The following CENPQ variants were observed in gnomAD, a reference collection of about 807,000 sequenced individuals.
CENPQ encodes the protein chromosome 6 open reading frame 139.
A neutral mutation model predicts 36.6 loss-of-function variants in CENPQ; 27 were observed. The observed-to-expected ratio is 0.74, with a 90% CI of 0.54 to 1.02. The LOEUF is 1.02. CENPQ is among the 50% of genes least tolerant of loss of function. The pLI, the probability that CENPQ is intolerant of heterozygous loss-of-function variation, is 0.00. For missense variants in CENPQ, 306 were observed against 301.8 expected (o/e 1.01, Z -0.10); for synonymous variants, 101 against 101.7 (o/e 0.99, Z 0.04).
At chr6:49,463,650 G>T (rs1337744865) in intron 1 of CENPQ, among the ~76,000 whole-genome samples, 197 bp downstream of exon 1, 2 of 152,104 alleles carry the variant, frequency 1.3e-5, no homozygotes, top group Non-Finnish European at 2.9e-5. Context: ...GGGGGAGGGA[G>T]CAAAGCCATG....
intron 8 of CENPQ, among the ~76,000 whole-genome samples, chr6:49,489,710 G>A (rs978396623): frequency 2.0e-5 from 3 of 152,154 alleles, no homozygotes; most frequent in African/African-American, 4.8e-5. Context: ...ATGACTCTTT[G>A]ATTCAGAGGC....
At chr6:49,467,889 A>G (rs552814382) in intron 1 of CENPQ, among the ~76,000 whole-genome samples, 1 of 152,292 alleles carries the variant, frequency 6.6e-6, no homozygotes, top group Admixed American at 6.5e-5. Flanking sequence ...TAGAAGGTAC[A>G]GTGTATGTTT....
chr6:49,471,077 A>G lies in CENPQ; in HGVS notation c.157+49A>G, dbSNP rs189065056. On this transcript the variant is annotated intron_variant, in intron 3 of 8. Coordinates refer to ENST00000335783, the MANE Select transcript of CENPQ (RefSeq NM_018132.4). Reference sequence around the variant, plus strand: ...TTAACCTGCTTCTATATCAAGCTATATCTACATTCGTGAAAAAATGTTCAG... The same window carrying G: ...TTAACCTGCTTCTATATCAAGCTATGTCTACATTCGTGAAAAAATGTTCAG... 9 of 1,125,912 alleles carry G rather than the reference A, an allele frequency of 8.0e-6. No individual in the cohort carries two copies. The Admixed American group carries it at 2.1e-4, about 26-fold the overall frequency. The allele number at this position is 1,125,912 out of a possible 1,614,324, so 69.7% of individuals were successfully genotyped here. A position where few individuals can be genotyped will look rare whatever the true frequency, so the allele number is the denominator to read the frequency against.
At chr6:49,489,166 C>G (rs562805638) in intron 8 of CENPQ, among the ~76,000 whole-genome samples, 2 of 152,304 alleles carry the variant, frequency 1.3e-5, no homozygotes, top group South Asian at 4.1e-4. Context: ...CACAGTAGAA[C>G]CTCCTTCAAA....
At chr6:49,488,815 A>G in intron 8 of CENPQ, 131 bp downstream of exon 8, 2 of 709,938 alleles carry the variant, frequency 2.8e-6, no homozygotes, top group Non-Finnish European at 5.0e-6. Context: ...CCCACGGCAT[A>G]TGGAAGTTAT....
intron 3 of CENPQ, 92 bp from the exon 4 acceptor site, chr6:49,471,971 C>A: frequency 7.3e-7 from 1 of 1,373,098 alleles, no homozygotes; most frequent in South Asian, 1.6e-5. Flanking sequence ...CTGATAATTT[C>A]ATAAGCTTTT....
At chr6:49,483,003 G>T (rs1417449296) in intron 6 of CENPQ, among the ~76,000 whole-genome samples, 3 of 152,128 alleles carry the variant, frequency 2.0e-5, no homozygotes, top group Admixed American at 2.0e-4. Flanking sequence ...TGTGGAAGGG[G>T]ACCCAAGCGG....
chr6:49,486,705 TA>T (rs1214995042), intron 6 of CENPQ, among the ~76,000 whole-genome samples: 1 of 152,200 alleles, frequency 6.6e-6, no homozygotes, highest in Non-Finnish European at 1.5e-5. Flanking sequence ...GAGATTTTTT[TA>T]AAGTGTAGTA....
Position 49,488,607 on chromosome 6 carries a change from A to G in CENPQ, c.598A>G (p.Met200Val). 2 of 1,612,420 alleles carry G rather than the reference A, an allele frequency of 1.2e-6. No individual in the cohort carries two copies. The highest frequency in any genetic ancestry group is 8.5e-7 in the Non-Finnish European group (1 of 1,178,484). ...AATCTGTAGCTTTCTTCTACTTTAG[A>G]TGCATCAAATAAATAGTAGTGGAGT... ...VEEEEERVKQ[M>V]HQINSSGVLS... The change falls in exon 8 of 9, where the codon ATG becomes GTG. Residue 200 changes from methionine (M) to valine (V), a missense_variant and splice_region_variant. Transcript: ENST00000335783.
chr6:49,471,921 A>G (rs985751227), intron 3 of CENPQ, 142 bp from the exon 4 acceptor site: 6 of 835,132 alleles, frequency 7.2e-6, no homozygotes, highest in Non-Finnish European at 6.8e-6. Context: ...TGTGATAAAA[A>G]GTAAATTAAA....
intron 6 of CENPQ, among the ~76,000 whole-genome samples, chr6:49,483,971 TCA>T: frequency 6.6e-6 from 1 of 152,376 alleles, no homozygotes; most frequent in African/African-American, 2.4e-5. Context: ...CAGCACACTG[TCA>T]CCTGTCAGTA....
intron 6 of CENPQ, among the ~76,000 whole-genome samples, chr6:49,482,379 A>G (rs942939242): frequency 1.1e-4 from 17 of 152,062 alleles, no homozygotes; most frequent in Middle Eastern, 3.2e-3. Flanking sequence ...GCACGCTGTC[A>G]CCTCTCAATC....
At chr6:49,474,566 G>A (rs1768227883) in intron 5 of CENPQ, among the ~76,000 whole-genome samples, 1 of 151,136 alleles carries the variant, frequency 6.6e-6, no homozygotes, top group South Asian at 2.1e-4. Flanking sequence ...GAGAAAGCAG[G>A]AAAAATTGAC....
At chr6:49,466,874 A>G (rs527498926) in intron 1 of CENPQ, among the ~76,000 whole-genome samples, 37 of 152,316 alleles carry the variant, frequency 2.4e-4, no homozygotes, top group African/African-American at 8.4e-4. Flanking sequence ...TGGCAGGGCT[A>G]GATTTGGAGC....
In CENPQ at chr6:49,492,212, A is replaced by G. The variant is rs531461823; in HGVS notation, c.744A>G (p.Ser248=). The G allele has an allele frequency of 1.9e-6, 3 of 1,609,672 alleles. No homozygotes were observed. Among genetic ancestry groups the G allele is most frequent in the Non-Finnish European group, 2.5e-6 (3 of 1,178,670 alleles). Residue 248 remains serine, a synonymous_variant, in exon 9 of 9, where the codon TCA becomes TCG. Coordinates refer to ENST00000335783, the MANE Select transcript of CENPQ (RefSeq NM_018132.4). ...AGGACTTGGATATTCTTCATAATTCATCACAGATGAAGAGCATGTCAACCT... is the reference window on the plus strand; with the variant it reads ...AGGACTTGGATATTCTTCATAATTCGTCACAGATGAAGAGCATGTCAACCT... ...LLKDLDILHN[S]SQMKSMSTFI...
At chr6:49,477,718 G>A (rs1042207022) in intron 5 of CENPQ, among the ~76,000 whole-genome samples, 3 of 152,084 alleles carry the variant, frequency 2.0e-5, no homozygotes, top group African/African-American at 4.8e-5. Context: ...TAGAAAGAGT[G>A]AATCAGATGG....
intron 1 of CENPQ, among the ~76,000 whole-genome samples, 184 bp downstream of exon 1, chr6:49,463,637 TA>T (rs1408833118): frequency 2.0e-5 from 3 of 152,070 alleles, no homozygotes; most frequent in Non-Finnish European, 4.4e-5. Context: ...GATGTTTGAT[TA>T]GGGGGGAGGG....
chr6:49,481,181 T>C, intron 6 of CENPQ, 101 bp downstream of exon 6: 4 of 988,706 alleles, frequency 4.0e-6, no homozygotes, highest in Non-Finnish European at 5.7e-6. Context: ...TAGTGAATAC[T>C]AGATCTTGAA....
intron 5 of CENPQ, among the ~76,000 whole-genome samples, chr6:49,474,228 C>T (rs1768217857): frequency 6.6e-6 from 1 of 152,156 alleles, no homozygotes; most frequent in African/African-American, 2.4e-5. Flanking sequence ...TTCTAAGCAC[C>T]ACATTGCACT....
Sources: gnomAD v4.1 joint callset for allele counts (sites outside exome capture counted in the v4.1 genomes callset) on GRCh38, gnomAD v4.1.1 for gene constraint, MANE v1.5 for transcripts, NCBI Gene and HGNC (gene_info 2026-07-23, HGNC 2026-07-21) for gene names.